PPP1R42: variants seen among roughly 807,000 people sequenced by gnomAD.
PPP1R42 encodes protein phosphatase 1 regulatory subunit 42.
Under a neutral mutation model 31.0 loss-of-function variants are expected in PPP1R42, and 34 were observed. That is an observed-to-expected ratio of 1.10 (90% CI 0.83 to 1.46). The LOEUF is 1.46. PPP1R42 is among the 40% of genes most tolerant of loss of function. The pLI, the probability that PPP1R42 is intolerant of heterozygous loss-of-function variation, is 0.00. For missense variants in PPP1R42, 268 were observed against 303.0 expected (o/e 0.88, Z 0.86); for synonymous variants, 103 against 109.8 (o/e 0.94, Z 0.39).
At chr8:66,980,226 T>A (rs561194707) in intron 7 of PPP1R42, among the ~76,000 whole-genome samples, 11 of 152,068 alleles carry the variant, frequency 7.2e-5, no homozygotes, top group Non-Finnish European at 1.5e-4. Flanking sequence ...TTTTCCATAA[T>A]TTATATTCTT....
intron 6 of PPP1R42, among the ~76,000 whole-genome samples, chr8:66,987,451 C>T (rs1361165099): frequency 6.6e-6 from 1 of 152,016 alleles, no homozygotes; most frequent in Non-Finnish European, 1.5e-5. Flanking sequence ...ACTGCCACCC[C>T]TGGCTATTCT....
chr8:66,981,915 G>T, intron 7 of PPP1R42, 134 bp downstream of exon 7: 1 of 952,744 alleles, frequency 1.0e-6, no homozygotes, highest in Non-Finnish European at 1.4e-6. Context: ...AAGTAAATAA[G>T]TTTTAAAAAA....
chr8:66,964,475 G>A lies in PPP1R42; in HGVS notation c.803-141C>T, dbSNP rs193192570. 1.3e-5 allele frequency: 4 copies of A among 304,250 alleles called. No homozygotes were observed. The East Asian group carries it at 3.9e-4, about 30-fold the overall frequency. The allele number at this position is 304,250 out of a possible 1,614,324, so 18.8% of individuals were successfully genotyped here. ...ATCACCAAACAGTGTGAATCTTGTC[G>A]GGCTTTAAAAAGGAAGCAGAAACAA... On this transcript the variant is annotated intron_variant, in intron 7 of 7. Coordinates refer to ENST00000685739, the MANE Select transcript of PPP1R42 (RefSeq NM_001364910.1).
intron 5 of PPP1R42, among the ~76,000 whole-genome samples, chr8:67,001,732 A>G (rs905877969): frequency 6.6e-6 from 1 of 152,162 alleles, no homozygotes; most frequent in East Asian, 1.9e-4. Flanking sequence ...CATTCCTGTC[A>G]TTTGTGCTAT....
intron 6 of PPP1R42, among the ~76,000 whole-genome samples, chr8:66,987,649 G>A (rs1406136121): frequency 6.6e-6 from 1 of 152,130 alleles, no homozygotes; most frequent in African/African-American, 2.4e-5. Flanking sequence ...TGGGAGCCAG[G>A]TAATGAATTC....
Position 66,984,299 on chromosome 8 carries a change from T to C in PPP1R42, c.671-2119A>G, listed in dbSNP as rs1189069407. ...GTACCCTCCCAGAATAGTACACATTTGTTGGTTTTCTTCACAGCTTCCTCA... is the reference window on the plus strand; with the variant it reads ...GTACCCTCCCAGAATAGTACACATTCGTTGGTTTTCTTCACAGCTTCCTCA... On this transcript the variant is annotated intron_variant, in intron 6 of 7. Transcript: ENST00000685739. The C allele has an allele frequency of 3.7e-6, 5 of 1,351,592 alleles. No homozygotes were observed. The African/African-American group carries it at 5.7e-5, about 16-fold the overall frequency. The allele number at this position is 1,351,592 out of a possible 1,614,324, so 83.7% of individuals were successfully genotyped here. A position where few individuals can be genotyped will look rare whatever the true frequency, so the allele number is the denominator to read the frequency against.
At chr8:66,971,163 A>G in intron 7 of PPP1R42, 1 of 1,458,906 alleles carries the variant, frequency 6.9e-7, no homozygotes, top group Non-Finnish European at 9.0e-7. Flanking sequence ...AAGAAATAAA[A>G]GCATTCTGCT....
intron 5 of PPP1R42, among the ~76,000 whole-genome samples, chr8:67,009,069 G>C (rs1157345567): frequency 6.6e-6 from 1 of 151,894 alleles, no homozygotes; most frequent in African/African-American, 2.4e-5. Context: ...TCAGGAGTTC[G>C]AGACCAGCCT....
intron 7 of PPP1R42, among the ~76,000 whole-genome samples, chr8:66,971,357 A>G (rs761956393): frequency 5.3e-5 from 8 of 152,240 alleles, no homozygotes; most frequent in Non-Finnish European, 1.0e-4. Context: ...TTAAAATAAA[A>G]TGAGCATGCC....
intron 1 of PPP1R42, among the ~76,000 whole-genome samples, chr8:67,018,824 C>CCT (rs386412964): frequency 1.7e-5 from 1 of 58,712 alleles, no homozygotes. Context: ...GCCCCCCCCC[C>CCT]CTTTTTTTTT....
chr8:67,018,944 C>A (rs1585685956), intron 1 of PPP1R42, among the ~76,000 whole-genome samples: 1 of 150,962 alleles, frequency 6.6e-6, no homozygotes, highest in African/African-American at 2.4e-5. Flanking sequence ...ATTCACCTGC[C>A]TCAGCCTCCC....
chr8:66,990,193 TA>T (rs1242700771), intron 5 of PPP1R42, among the ~76,000 whole-genome samples: 2 of 152,240 alleles, frequency 1.3e-5, no homozygotes, highest in Admixed American at 6.5e-5. Flanking sequence ...GTATTTCTCT[TA>T]CTCTAAAAAC....
At chr8:66,985,797 CTGTT>C (rs1814991758) in intron 6 of PPP1R42, 1 of 1,222,882 alleles carries the variant, frequency 8.2e-7, no homozygotes, top group Non-Finnish European at 1.2e-6. Flanking sequence ...CGTCCATCAT[CTGTT>C]TGATGTGGAG....
At chr8:67,025,031 G>A (rs1408064916) in intron 1 of PPP1R42, among the ~76,000 whole-genome samples, 1 of 148,744 alleles carries the variant, frequency 6.7e-6, no homozygotes, top group Non-Finnish European at 1.5e-5. Context: ...TCAAATTCCT[G>A]GGCTCAAGTG....
chr8:67,015,419 A>C (rs1815985936), intron 2 of PPP1R42, among the ~76,000 whole-genome samples: 1 of 152,204 alleles, frequency 6.6e-6, no homozygotes, highest in Non-Finnish European at 1.5e-5. Flanking sequence ...ATACATAGTT[A>C]AGTGAAATTC....
Position 67,014,371 on chromosome 8 carries a change from G to A in PPP1R42, c.296+55C>T, listed in dbSNP as rs546416686. On this transcript the variant is annotated intron_variant, in intron 3 of 7. Coordinates refer to ENST00000685739, the MANE Select transcript of PPP1R42 (RefSeq NM_001364910.1). Reference sequence around the variant, plus strand: ...TGGAAATGCCTTCATGCAAAAAAATGTAAGTACCATAATCATAAAAATCAG... The same window carrying A: ...TGGAAATGCCTTCATGCAAAAAAATATAAGTACCATAATCATAAAAATCAG... 2.8e-6 allele frequency: 3 copies of A among 1,079,450 alleles called. No individual in the cohort carries two copies. The African/African-American group carries it at 4.9e-5, about 18-fold the overall frequency. 66.9% of individuals were successfully genotyped at this position (1,079,450 alleles called of 1,614,324 possible). A position where few individuals can be genotyped will look rare whatever the true frequency, so the allele number is the denominator to read the frequency against.
chr8:67,025,630 C>G (rs1319755756), intron 1 of PPP1R42, among the ~76,000 whole-genome samples: 6 of 150,234 alleles, frequency 4.0e-5, no homozygotes, highest in Non-Finnish European at 8.8e-5. Flanking sequence ...TTAGTTAATA[C>G]AAGTTTAATG....
intron 2 of PPP1R42, 105 bp from the exon 3 acceptor site, chr8:67,014,697 TTAATA>T: frequency 1.4e-6 from 1 of 719,222 alleles, no homozygotes; most frequent in Non-Finnish European, 2.2e-6. Flanking sequence ...TTCTCTAAGG[TTAATA>T]TAAAAGAACA....
At chr8:67,000,584 A>G (rs1183311611) in intron 5 of PPP1R42, among the ~76,000 whole-genome samples, 2 of 152,032 alleles carry the variant, frequency 1.3e-5, no homozygotes, top group African/African-American at 4.8e-5. Flanking sequence ...CAGCCTCCTG[A>G]GTAGCTGGGA....
Sources: gnomAD v4.1 joint callset for allele counts (sites outside exome capture counted in the v4.1 genomes callset) on GRCh38, gnomAD v4.1.1 for gene constraint, MANE v1.5 for transcripts, NCBI Gene and HGNC (gene_info 2026-07-23, HGNC 2026-07-21) for gene names.